CTNNA2: variants seen among roughly 807,000 people sequenced by gnomAD.
CTNNA2 encodes catenin alpha-2.
A neutral mutation model predicts 101.0 loss-of-function variants in CTNNA2; 42 were observed. The ratio of observed to expected loss-of-function variants is 0.42; its 90% CI spans 0.32 to 0.54. CTNNA2 has a LOEUF of 0.54. Among genes scored for constraint, CTNNA2 ranks in the 20% least tolerant of loss-of-function variants. The probability of loss-of-function intolerance (pLI) is 0.14; values close to 1 mark genes in which losing one functional copy is unlikely to be tolerated. For missense variants in CTNNA2, 871 were observed against 1,223.1 expected, an observed-to-expected ratio of 0.71 and a Z score of 4.29; for synonymous variants, 450 against 456.4, an observed-to-expected ratio of 0.99 and a Z score of 0.18.
chr2:79,818,124 A>T (rs1376910029), intron 3 of CTNNA2, among the ~76,000 whole-genome samples: 2 of 152,180 alleles, frequency 1.3e-5, no homozygotes, highest in African/African-American at 4.8e-5. Flanking sequence ...GGCTGTGATT[A>T]TATAATTAAA....
intron 7 of CTNNA2, among the ~76,000 whole-genome samples, chr2:79,957,951 C>T (rs951791635): frequency 6.6e-6 from 1 of 152,220 alleles, no homozygotes. Flanking sequence ...TCTTCAGATT[C>T]TTAAAGACAG....
intron 3 of CTNNA2, among the ~76,000 whole-genome samples, chr2:79,803,009 A>G (rs866142992): frequency 1.3e-5 from 2 of 152,258 alleles, no homozygotes; most frequent in South Asian, 2.1e-4. Context: ...AATATTACAT[A>G]TAATGTAATG....
chr2:79,831,465 T>A (rs929471045), intron 3 of CTNNA2, among the ~76,000 whole-genome samples: 10 of 152,294 alleles, frequency 6.6e-5, no homozygotes, highest in African/African-American at 1.7e-4. Context: ...ACTTTTTTTT[T>A]AATGTTCTTA....
chr2:79,265,386 A>G (rs780693041), intron 2 of CTNNA2, among the ~76,000 whole-genome samples: 1 of 152,276 alleles, frequency 6.6e-6, no homozygotes, highest in Middle Eastern at 3.4e-3. Context: ...TGTCAGGGCT[A>G]TTGGAGGGAT....
At chr2:80,543,673 A>G (rs558535970) in intron 9 of CTNNA2, among the ~76,000 whole-genome samples, 1 of 152,278 alleles carries the variant, frequency 6.6e-6, no homozygotes, top group African/African-American at 2.4e-5. Context: ...CAGTGGTTGA[A>G]CTTCCTGATC....
chr2:80,416,346 C>T (rs900448125), intron 8 of CTNNA2, among the ~76,000 whole-genome samples: 10 of 151,990 alleles, frequency 6.6e-5, no homozygotes, highest in Non-Finnish European at 1.0e-4. Flanking sequence ...TAAATATATA[C>T]AATTTTATTT....
intron 9 of CTNNA2, among the ~76,000 whole-genome samples, chr2:80,509,925 T>G (rs1182394397): frequency 1.3e-5 from 2 of 152,212 alleles, no homozygotes; most frequent in East Asian, 1.9e-4. Context: ...GTATTCCCCC[T>G]GGAGAAATTC....
intron 7 of CTNNA2, among the ~76,000 whole-genome samples, chr2:80,253,708 A>G (rs77541566): frequency 0.037 from 5,605 of 152,254 alleles, 138 homozygotes; most frequent in African/African-American, 0.068. Flanking sequence ...AGGACACAGT[A>G]TAAGAGTGAT....
intron 14 of CTNNA2, among the ~76,000 whole-genome samples, chr2:80,586,092 G>A (rs1361035972): frequency 6.6e-6 from 1 of 152,144 alleles, no homozygotes; most frequent in African/African-American, 2.4e-5. Flanking sequence ...AATGCAGTGA[G>A]TGGAAAAATG....
At chr2:79,977,327 AG>A (rs1271889592) in intron 7 of CTNNA2, among the ~76,000 whole-genome samples, 2 of 151,970 alleles carry the variant, frequency 1.3e-5, no homozygotes, top group African/African-American at 4.8e-5. Context: ...TTGCACTCCA[AG>A]GGACATGTGG....
chr2:80,607,981 T>C (rs531121794), intron 16 of CTNNA2, among the ~76,000 whole-genome samples: 1 of 152,028 alleles, frequency 6.6e-6, no homozygotes, highest in Non-Finnish European at 1.5e-5. Context: ...AATTTTCTTC[T>C]GATAAAATTT....
rs931424146 is a variant in CTNNA2, at chr2:79,187,925, A to G, written c.-524+2494A>G. Among the ~76,000 whole-genome samples the G allele has an allele frequency of 3.3e-5, 5 of 152,280 alleles. No homozygotes were observed. The East Asian group carries it at 9.6e-4, about 29-fold the overall frequency. On this transcript the variant is annotated intron_variant, in intron 1 of 21. Transcript: ENST00000466387. ...ACAAAATAAATTAAACCAAGTAATA[A>G]ACACATATGAAAACTTAGTGTTCTT...
At chr2:79,553,911 A>C (rs957557979) in intron 1 of CTNNA2, among the ~76,000 whole-genome samples, 5 of 152,220 alleles carry the variant, frequency 3.3e-5, no homozygotes, top group African/African-American at 4.8e-5. Flanking sequence ...GTGGACTTCT[A>C]TCTTTGCAGC....
chr2:79,936,135 A>T (rs1574354262), intron 7 of CTNNA2, among the ~76,000 whole-genome samples: 1 of 152,220 alleles, frequency 6.6e-6, no homozygotes, highest in East Asian at 1.9e-4. Context: ...GTGTATTCTA[A>T]ATGTGAAGAA....
chr2:79,853,387 G>A (rs749110980), intron 3 of CTNNA2, among the ~76,000 whole-genome samples: 1 of 152,118 alleles, frequency 6.6e-6, no homozygotes, highest in Non-Finnish European at 1.5e-5. Context: ...ATCCTCTTCA[G>A]CCTCTAAGAT....
Position 80,335,172 on chromosome 2 carries a change from C to T in CTNNA2, c.1057-58039C>T, listed in dbSNP as rs375806119. Among the ~76,000 whole-genome samples the T allele has an allele frequency of 1.6e-3, 237 of 152,264 alleles. 6 individuals are homozygous for T. The South Asian group carries it at 0.024, about 15-fold the overall frequency. Reference sequence around the variant, plus strand: ...CAGGGAGAAAACTTTCATTAGAGCCCGTCCTCTTTTCCCACTACTAAGTGC... The same window carrying T: ...CAGGGAGAAAACTTTCATTAGAGCCTGTCCTCTTTTCCCACTACTAAGTGC... On this transcript the variant is annotated intron_variant, in intron 7 of 18. Coordinates refer to ENST00000402739, the MANE Select transcript of CTNNA2 (RefSeq NM_001282597.3).
In CTNNA2 at chr2:79,549,448, T is replaced by A. The variant is rs568622386; in HGVS notation, c.-6+36241T>A. On this transcript the variant is annotated intron_variant, in intron 1 of 18. Coordinates refer to ENST00000402739, the MANE Select transcript of CTNNA2 (RefSeq NM_001282597.3). ...ATGTTTTGCAGAACATCCAGGATGG[T>A]TTAGATCCCTTCAGAGTTCAGTATG... is the stretch of plus-strand genomic sequence containing the variant. 2.6e-5 allele frequency among the ~76,000 whole-genome samples: 4 copies of A among 152,278 alleles called. No homozygotes were observed. The South Asian group carries it at 8.3e-4, about 32-fold the overall frequency.
At chr2:79,805,335 T>A (rs566808650) in intron 3 of CTNNA2, among the ~76,000 whole-genome samples, 1 of 152,336 alleles carries the variant, frequency 6.6e-6, no homozygotes, top group Admixed American at 6.5e-5. Flanking sequence ...CTTCGTTTCA[T>A]CTGCTCCTAG....
chr2:79,299,106 G>C (rs10496218), intron 2 of CTNNA2, among the ~76,000 whole-genome samples: 23,531 of 152,134 alleles, frequency 0.15, 2,903 homozygotes, highest in African/African-American at 0.35. Flanking sequence ...CATAGGTTTA[G>C]TATCGTCTGG....
Sources: gnomAD v4.1 joint callset for allele counts (sites outside exome capture counted in the v4.1 genomes callset) on GRCh38, gnomAD v4.1.1 for gene constraint, MANE v1.5 for transcripts, NCBI Gene and HGNC (gene_info 2026-07-23, HGNC 2026-07-21) for gene names.